CNIH3: variants seen among roughly 807,000 people sequenced by gnomAD.
CNIH3 encodes protein cornichon homolog 3.
CNIH3 carries 14 observed loss-of-function variants against 24.1 expected under a neutral mutation model. The ratio of observed to expected loss-of-function variants is 0.58; its 90% CI spans 0.38 to 0.91. CNIH3 has a LOEUF of 0.91. Among genes scored for constraint, CNIH3 ranks in the 40% least tolerant of loss-of-function variants. The pLI is 0.00. For synonymous variants in CNIH3, 68 were observed against 73.8 expected (o/e 0.92, Z 0.40); for missense variants, 178 against 196.8 (o/e 0.90, Z 0.57).
At chr1:224,722,620 AG>A (rs1439672598) in intron 3 of CNIH3, among the ~76,000 whole-genome samples, 1 of 152,160 alleles carries the variant, frequency 6.6e-6, no homozygotes. Flanking sequence ...CTTGTTAGAA[AG>A]GGGGACTCTT....
intron 1 of CNIH3, among the ~76,000 whole-genome samples, chr1:224,508,470 C>T (rs1678005492): frequency 6.6e-6 from 1 of 152,182 alleles, no homozygotes; most frequent in African/African-American, 2.4e-5. Flanking sequence ...ACTTAGGTTG[C>T]AGTCTGTAGA....
intron 1 of CNIH3, among the ~76,000 whole-genome samples, chr1:224,480,934 A>C (rs1430632351): frequency 6.6e-6 from 1 of 152,038 alleles, no homozygotes; most frequent in Admixed American, 6.6e-5. Context: ...GCAATGCCTC[A>C]CTCTACTGGT....
At chr1:224,492,544 T>C (rs1042557931) in intron 1 of CNIH3, among the ~76,000 whole-genome samples, 12 of 152,252 alleles carry the variant, frequency 7.9e-5, no homozygotes, top group South Asian at 6.2e-4. Context: ...GCCATGGTTT[T>C]GGGTAGTTTA....
intron 2 of CNIH3, among the ~76,000 whole-genome samples, chr1:224,530,140 C>G (rs1172612276): frequency 6.6e-6 from 1 of 152,212 alleles, no homozygotes; most frequent in Non-Finnish European, 1.5e-5. Flanking sequence ...CAAACACATG[C>G]TCTGCAGTTC....
chr1:224,554,846 C>T (rs1680071518), intron 3 of CNIH3, among the ~76,000 whole-genome samples: 1 of 152,118 alleles, frequency 6.6e-6, no homozygotes, highest in Non-Finnish European at 1.5e-5. Flanking sequence ...CTCGACCTCC[C>T]AAAGTGCTGG....
At chr1:224,548,394 C>G (rs1243585717) in intron 3 of CNIH3, among the ~76,000 whole-genome samples, 1 of 151,678 alleles carries the variant, frequency 6.6e-6, no homozygotes, top group Non-Finnish European at 1.5e-5. Flanking sequence ...AATATTTCTC[C>G]TAATATCACA....
At chr1:224,551,443 G>A (rs80043092) in intron 3 of CNIH3, among the ~76,000 whole-genome samples, 6,973 of 152,188 alleles carry the variant, frequency 0.046, 551 homozygotes, top group African/African-American at 0.16. Context: ...GAAGCAGAGC[G>A]ATGATATTTC....
intron 3 of CNIH3, among the ~76,000 whole-genome samples, chr1:224,700,704 A>C (rs1187457141): frequency 1.3e-5 from 2 of 152,196 alleles, no homozygotes; most frequent in Non-Finnish European, 2.9e-5. Context: ...GAAAGGGCCC[A>C]AACAGAAGGG....
chr1:224,674,468 T>A (rs1360041235), intron 1 of CNIH3, among the ~76,000 whole-genome samples: 1 of 152,092 alleles, frequency 6.6e-6, no homozygotes, highest in Non-Finnish European at 1.5e-5. Flanking sequence ...GGGTCCACCC[T>A]GCTTCCCTGC....
At chr1:224,689,182 A>C (rs1430363419) in intron 3 of CNIH3, among the ~76,000 whole-genome samples, 2 of 152,130 alleles carry the variant, frequency 1.3e-5, no homozygotes, top group Non-Finnish European at 2.9e-5. Flanking sequence ...CTCTGCCCTT[A>C]TTATCCATGT....
At chr1:224,553,473 C>T (rs1680009892) in intron 3 of CNIH3, among the ~76,000 whole-genome samples, 1 of 152,088 alleles carries the variant, frequency 6.6e-6, no homozygotes, top group South Asian at 2.1e-4. Context: ...ACTGGGAGAC[C>T]TCTGGTGCGA....
chr1:224,628,503 C>A (rs906904796), intron 1 of CNIH3, among the ~76,000 whole-genome samples: 2 of 152,070 alleles, frequency 1.3e-5, no homozygotes, highest in African/African-American at 4.8e-5. Flanking sequence ...TGATCTACTT[C>A]TAGACACCAC....
intron 4 of CNIH3, among the ~76,000 whole-genome samples, chr1:224,582,956 A>G (rs973993621): frequency 1.3e-5 from 2 of 152,214 alleles, no homozygotes; most frequent in East Asian, 3.8e-4. Flanking sequence ...TGGGGCACAC[A>G]GCATGTGCTG....
At chr1:224,733,583 G>T (rs1689443424) in intron 4 of CNIH3, among the ~76,000 whole-genome samples, 1 of 152,206 alleles carries the variant, frequency 6.6e-6, no homozygotes, top group Non-Finnish European at 1.5e-5. Context: ...TTGCTACATT[G>T]CAGGATGTTC....
intron 3 of CNIH3, among the ~76,000 whole-genome samples, chr1:224,605,722 C>T (rs1243523108): frequency 1.3e-5 from 2 of 152,130 alleles, no homozygotes; most frequent in Non-Finnish European, 2.9e-5. Context: ...GGCCCCCACC[C>T]AGAAGGGGAC....
intron 3 of CNIH3, among the ~76,000 whole-genome samples, chr1:224,556,171 T>G (rs1443467730): frequency 1.3e-5 from 2 of 150,092 alleles, no homozygotes; most frequent in Non-Finnish European, 2.9e-5. Flanking sequence ...TAGCTTGGTT[T>G]TCCTATCTTT....
intron 1 of CNIH3, among the ~76,000 whole-genome samples, chr1:224,662,438 T>C (rs1048862849): frequency 1.4e-4 from 21 of 151,674 alleles, no homozygotes; most frequent in Admixed American, 5.3e-4. Context: ...GTCTTACTTA[T>C]AAAAAAAAAT....
chr1:224,725,915 C>CTTG (rs1688999637), intron 3 of CNIH3, among the ~76,000 whole-genome samples: 1 of 152,202 alleles, frequency 6.6e-6, no homozygotes, highest in Non-Finnish European at 1.5e-5. Flanking sequence ...TAAGACAGGA[C>CTTG]TTGGCACACG....
chr1:224,725,298 C>T (rs1688961576), intron 3 of CNIH3, among the ~76,000 whole-genome samples: 1 of 152,198 alleles, frequency 6.6e-6, no homozygotes, highest in African/African-American at 2.4e-5. Context: ...TTTGAGAGCA[C>T]TGTCATTCAT....
Sources: allele counts gnomAD v4.1 joint callset (sites outside exome capture counted in the v4.1 genomes callset), GRCh38; gene constraint gnomAD v4.1.1; transcripts MANE v1.5; gene names NCBI Gene and HGNC (gene_info 2026-07-23, HGNC 2026-07-21).